CORO6: variants seen among roughly 807,000 people sequenced by gnomAD.
The protein encoded by CORO6 is coronin 6, also known as coronin-6.
CORO6 carries 43 observed loss-of-function variants against 49.0 expected under a neutral mutation model. The ratio of observed to expected loss-of-function variants is 0.88; its 90% CI spans 0.69 to 1.13. The LOEUF (loss-of-function observed/expected upper bound fraction) is 1.13. Among genes scored for constraint, CORO6 ranks in the 50% most tolerant of loss-of-function variants. The pLI, the probability that CORO6 is intolerant of heterozygous loss-of-function variation, is 0.00. For missense variants in CORO6, 650 were observed against 647.0 expected (o/e 1.00, Z -0.05); for synonymous variants, 233 against 256.5 (o/e 0.91, Z 0.88).
At position 29,618,698 on chromosome 17, in the gene CORO6, G is replaced by C. The variant is rs887606466; in HGVS notation, c.633+92C>G. ...GCAGGGATGCGACAGGTGAAAGCCG[G>C]GACCAGGGGCTCTGATAATGGTGGG... On this transcript the variant is annotated intron_variant, in intron 5 of 10. Transcript: ENST00000388767. 5.4e-6 allele frequency: 8 copies of C among 1,482,554 alleles called. No homozygotes were observed. In the Admixed American group the frequency reaches 1.7e-4, roughly 31 times the overall value. The allele number at this position is 1,482,554 out of a possible 1,614,324, so 91.8% of individuals were successfully genotyped here.
In CORO6 at chr17:29,622,903, C is replaced by T. The variant is rs920897678; in HGVS notation, c.-279G>A. On this transcript the variant is annotated 5_prime_UTR_variant, in exon 1 of 11. Transcript: ENST00000388767. ...AGCCCCAGCTGCCGCTGCCATCAAC[C>T]TAAGAGGGCGGGGCTAGCATAGGGG... 1.4e-4 allele frequency: 154 copies of T among 1,139,404 alleles called. No individual in the cohort carries two copies. Among genetic ancestry groups the T allele is most frequent in the Admixed American group, 7.0e-4 (18 of 25,696 alleles). 70.6% of individuals were successfully genotyped at this position (1,139,404 alleles called of 1,614,324 possible). A position where few individuals can be genotyped will look rare whatever the true frequency, so the allele number is the denominator to read the frequency against.
chr17:29,621,771 T>A lies in CORO6; in HGVS notation c.-63-287A>T, dbSNP rs1306348687. Reference sequence around the variant, plus strand: ...TTTGGGAGGAGCCTCAATGCCACACTGCCTGCACCCCCCGCCCCCACCACC... The same window carrying A: ...TTTGGGAGGAGCCTCAATGCCACACAGCCTGCACCCCCCGCCCCCACCACC... On this transcript the variant is annotated intron_variant, in intron 1 of 10. Coordinates refer to ENST00000388767, the MANE Select transcript of CORO6 (RefSeq NM_032854.4). This position sits in a 1 kb window ranked among gnomAD's most constrained non-coding sequence, Gnocchi z 4.2. The A allele has an allele frequency of 3.4e-6, 1 of 291,480 alleles. No individual in the cohort carries two copies. The highest frequency in any genetic ancestry group is 6.7e-6 in the Non-Finnish European group (1 of 149,906). 18.1% of individuals were successfully genotyped at this position (291,480 alleles called of 1,614,324 possible). A position where few individuals can be genotyped will look rare whatever the true frequency, so the allele number is the denominator to read the frequency against.
In CORO6 at chr17:29,619,110, A is replaced by G; in HGVS notation, c.401T>C (p.Val134Ala). 1 of 1,613,672 alleles carries G rather than the reference A, an allele frequency of 6.2e-7. No individual in the cohort carries two copies. Among genetic ancestry groups the G allele is most frequent in the Non-Finnish European group, 8.5e-7 (1 of 1,179,904 alleles). Residue 134 changes from valine (V) to alanine (A), a missense_variant, in exon 4 of 11, where the codon GTG becomes GCG. Physicochemically the swap from Val to Ala is moderately conservative, Grantham distance 64. Transcript: ENST00000388767. ...AGTAGGGTGCCAGGAGAGGATGCCCACACGCTTGGAGTGGCCCTCAAGTGT... is the reference window on the plus strand; with the variant it reads ...AGTAGGGTGCCAGGAGAGGATGCCCGCACGCTTGGAGTGGCCCTCAAGTGT... ...IITLEGHSKRVGILSWHPTAR... is the reference protein window; with the variant it reads ...IITLEGHSKRAGILSWHPTAR...
chr17:29,617,081 C>A (rs757320168), intron 6 of CORO6, 39 bp from the exon 7 acceptor site: 1 of 1,604,212 alleles, frequency 6.2e-7, no homozygotes, highest in Admixed American at 1.7e-5. Context: ...CCTGCCCCAC[C>A]CTCCCGTGCT....
At chr17:29,618,370 G>A (rs946062657) in intron 5 of CORO6, 1 of 1,283,454 alleles carries the variant, frequency 7.8e-7, no homozygotes, top group Non-Finnish European at 9.8e-7. Flanking sequence ...CCCGCCCAGC[G>A]GGTCCACAAG....
In CORO6 at chr17:29,621,768, C is replaced by T. The variant is rs1389957398; in HGVS notation, c.-63-284G>A. 6.8e-6 allele frequency: 2 copies of T among 295,758 alleles called. No homozygotes were observed. The highest frequency in any genetic ancestry group is 1.3e-5 in the Non-Finnish European group (2 of 152,178). 18.3% of individuals were successfully genotyped at this position (295,758 alleles called of 1,614,324 possible). A position where few individuals can be genotyped will look rare whatever the true frequency, so the allele number is the denominator to read the frequency against. On this transcript the variant is annotated intron_variant, in intron 1 of 10. Transcript: ENST00000388767. This position sits in a 1 kb window ranked among gnomAD's most constrained non-coding sequence, Gnocchi z 4.2. ...GTTTTTGGGAGGAGCCTCAATGCCA[C>T]ACTGCCTGCACCCCCCGCCCCCACC...
At position 29,621,567 on chromosome 17, in the gene CORO6, T is replaced by C; in HGVS notation, c.-63-83A>G. On this transcript the variant is annotated intron_variant, in intron 1 of 10. Transcript: ENST00000388767. This position sits in a 1 kb window ranked among gnomAD's most constrained non-coding sequence, Gnocchi z 4.2. The stretch of plus-strand genomic sequence containing the variant: ...GTCAGGTATAAATCCATATAGTGTC[T>C]GGTCCTAGAAGCAGGGAGCTTTCTT... The C allele has an allele frequency of 7.2e-7, 1 of 1,384,266 alleles. No individual in the cohort carries two copies. The allele number at this position is 1,384,266 out of a possible 1,614,324, so 85.7% of individuals were successfully genotyped here. A position where few individuals can be genotyped will look rare whatever the true frequency, so the allele number is the denominator to read the frequency against.
In CORO6 at chr17:29,616,131, C is replaced by T. The variant is rs2034883641; in HGVS notation, c.1107G>A (p.Pro369=). 1 of 1,613,302 alleles carries T rather than the reference C, an allele frequency of 6.2e-7. No homozygotes were observed. Among genetic ancestry groups the T allele is most frequent in the African/African-American group, 1.3e-5 (1 of 74,936 alleles). ...ATTCGTCCGCTTCTAGGGCCGGCTC[C>T]GGGCCTGGCGTATCCGGGTACAGAT... is the stretch of plus-strand genomic sequence containing the variant. ...QDDLYPDTPG[P]EPALEADEWL... is the part of the protein sequence containing the mutation. The change falls in exon 10 of 11, where the codon CCG becomes CCA. Residue 369 remains proline (P), a synonymous_variant. Transcript: ENST00000388767. The surrounding 1 kb of genome is among the most constrained non-coding windows in gnomAD (Gnocchi z 5.6).
At chr17:29,618,657 GGGGCT>G (rs1386768500) in intron 5 of CORO6, 128 bp downstream of exon 5, 120 of 1,429,170 alleles carry the variant, frequency 8.4e-5, no homozygotes, top group Non-Finnish European at 5.6e-5. Flanking sequence ...ACGGGGGAAG[GGGGCT>G]AGTCTCTGGA....
In CORO6 at chr17:29,616,599, CT is replaced by C. The variant is rs529028062; in HGVS notation, c.1004+102del. ...AGAGCTGTCTTATCCCCCCGCCCCG[CT>C]TTTCCAAAGCACTGCATTACTGGGG... On this transcript the variant is annotated intron_variant, in intron 8 of 10. Transcript: ENST00000388767. The surrounding 1 kb of genome is among the most constrained non-coding windows in gnomAD (Gnocchi z 5.6). 1.3e-4 allele frequency: 197 copies of C among 1,482,162 alleles called. No individual in the cohort carries two copies. The African/African-American group carries it at 2.6e-3, about 20-fold the overall frequency. The allele number at this position is 1,482,162 out of a possible 1,614,324, so 91.8% of individuals were successfully genotyped here.
In CORO6 at chr17:29,615,565, C is replaced by T. The variant is rs2034815979; in HGVS notation, c.*167G>A. On this transcript the variant is annotated 3_prime_UTR_variant, in exon 11 of 11. Transcript: ENST00000388767. ...CAGCCTCCGCTGGAGCGACGTGGGTCTCCCCTAAGCTCCAAGAGTTCTGGT... is the reference window on the plus strand; with the variant it reads ...CAGCCTCCGCTGGAGCGACGTGGGTTTCCCCTAAGCTCCAAGAGTTCTGGT... 5.8e-6 allele frequency: 4 copies of T among 691,554 alleles called. No homozygotes were observed. The East Asian group carries it at 9.1e-5, about 16-fold the overall frequency. 42.8% of individuals were successfully genotyped at this position (691,554 alleles called of 1,614,324 possible).
rs1343039867 is a variant in CORO6 at position 29,615,963 on chromosome 17, G to A, written c.1275C>T (p.Ala425=). The change falls in exon 10 of 11, where the codon GCC becomes GCT. Residue 425 remains alanine, a synonymous_variant. Coordinates refer to ENST00000388767, the MANE Select transcript of CORO6 (RefSeq NM_032854.4). ...PPSGPRRSQS[A]SDAPLSQQHT... ...ATCTTACCGACAAGGGGGCGTCGCT[G>A]GCCGACTGGCTGCGGCGGGGGCCGG... 2 of 1,586,128 alleles carry A rather than the reference G, an allele frequency of 1.3e-6. No individual in the cohort carries two copies. Among genetic ancestry groups the A allele is most frequent in the Admixed American group, 1.8e-5 (1 of 56,966 alleles).
chr17:29,615,746 C>G lies in CORO6; in HGVS notation c.1405G>C (p.Asp469His), dbSNP rs2034831061. 1.9e-6 allele frequency: 3 copies of G among 1,546,724 alleles called. No homozygotes were observed. Among genetic ancestry groups the G allele is most frequent in the Non-Finnish European group, 2.6e-6 (3 of 1,146,480 alleles). ...ALENMLCELV[D>H]GTD ...GGCGCGCGGGGCTAGTCCGTGCCGT[C>G]CACCAGCTCGCACAGCATGTTCTCC... Residue 469 changes from aspartate (D) to histidine (H), a missense_variant, in exon 11 of 11, where the codon GAC (aspartate) becomes CAC (histidine). Coordinates refer to ENST00000388767, the MANE Select transcript of CORO6 (RefSeq NM_032854.4).
intron 5 of CORO6, chr17:29,618,341 C>T (rs1213061950): frequency 4.6e-6 from 6 of 1,291,558 alleles, no homozygotes; most frequent in Non-Finnish European, 4.9e-6. Flanking sequence ...ATAAGCAACG[C>T]GCGAGGGTTG....
chr17:29,615,709 C>T lies in CORO6; in HGVS notation c.*23G>A. 1 of 1,484,908 alleles carries T rather than the reference C, an allele frequency of 6.7e-7. No homozygotes were observed. The highest frequency in any genetic ancestry group is 8.9e-7 in the Non-Finnish European group (1 of 1,121,722). The allele number at this position is 1,484,908 out of a possible 1,614,324, so 92.0% of individuals were successfully genotyped here. A position where few individuals can be genotyped will look rare whatever the true frequency, so the allele number is the denominator to read the frequency against. On this transcript the variant is annotated 3_prime_UTR_variant, in exon 11 of 11. Transcript: ENST00000388767. ...GGCCGAGCTTGTGCGCCCCGCCCCG[C>T]TCCGCCTGCCTGGCGCGCGGGGCTA...
intron 1 of CORO6, among the ~76,000 whole-genome samples, 161 bp downstream of exon 1, chr17:29,622,527 C>A (rs1351735746): frequency 6.6e-6 from 1 of 152,234 alleles, no homozygotes; most frequent in Non-Finnish European, 1.5e-5. Flanking sequence ...TCTGCGCCCT[C>A]CGGGAGCGCT....
In CORO6 at chr17:29,615,904, G is replaced by A. The variant is rs370213136; in HGVS notation, c.1293+41C>T. The stretch of plus-strand genomic sequence containing the variant: ...CCGTGTCGTATAGGGGCGGTTGGGG[G>A]AGATGTAGATTGGGCCAGAGTGCAG... On this transcript the variant is annotated intron_variant, in intron 10 of 10. Transcript: ENST00000388767. 9.8e-5 allele frequency: 155 copies of A among 1,586,656 alleles called. No individual in the cohort carries two copies. The African/African-American group carries it at 1.7e-3, about 18-fold the overall frequency.
At position 29,621,198 on chromosome 17, in the gene CORO6, C is replaced by T. The variant is rs1206860363; in HGVS notation, c.198+26G>A. 5.6e-6 allele frequency: 9 copies of T among 1,613,444 alleles called. No homozygotes were observed. The East Asian group carries it at 2.0e-4, about 36-fold the overall frequency. ...AGGGGCCCCAGCTAGTGTCCTCCCACTTGCTTCCTTTCCCTGATCCCTCAC... is the reference window on the plus strand; with the variant it reads ...AGGGGCCCCAGCTAGTGTCCTCCCATTTGCTTCCTTTCCCTGATCCCTCAC... On this transcript the variant is annotated intron_variant, in intron 2 of 10. Transcript: ENST00000388767. The surrounding 1 kb of genome is among the most constrained non-coding windows in gnomAD (Gnocchi z 4.2).
chr17:29,617,953 C>T (rs2035077831), intron 5 of CORO6: 1 of 1,101,264 alleles, frequency 9.1e-7, no homozygotes, highest in South Asian at 1.7e-5. Flanking sequence ...CCCCGCTCCG[C>T]TCTGGCCTCT....
Sources: gnomAD v4.1 joint callset for allele counts (sites outside exome capture counted in the v4.1 genomes callset) on GRCh38, gnomAD v4.1.1 for gene constraint, Gnocchi (gnomAD v3.1) non-coding constraint, MANE v1.5 for transcripts, NCBI Gene and HGNC (gene_info 2026-07-23, HGNC 2026-07-21) for gene names.